The following PLCB4 variants were observed in gnomAD, a reference collection of about 807,000 sequenced individuals.
The protein encoded by PLCB4 is 1-phosphatidylinositol 4,5-bisphosphate phosphodiesterase beta-4.
In PLCB4, 77 loss-of-function variants were observed where a neutral mutation model predicts 178.8. The ratio of observed to expected loss-of-function variants is 0.43; its 90% CI spans 0.36 to 0.52. The LOEUF is 0.52. Among genes scored for constraint, PLCB4 ranks in the 20% least tolerant of loss-of-function variants. The pLI, the probability that PLCB4 is intolerant of heterozygous loss-of-function variation, is 0.00. For missense variants in PLCB4, 1,024 were observed against 1,453.4 expected, an observed-to-expected ratio of 0.70 and a Z score of 4.80; for synonymous variants, 496 against 490.8, an observed-to-expected ratio of 1.01 and a Z score of -0.14.
chr20:9,215,914 A>G (rs1436598403), intron 2 of PLCB4, among the ~76,000 whole-genome samples: 1 of 152,202 alleles, frequency 6.6e-6, no homozygotes, highest in East Asian at 1.9e-4. Flanking sequence ...GACTTTTTAA[A>G]TTAATAAAAT....
chr20:9,368,538 C>T (rs1013147130), intron 9 of PLCB4, among the ~76,000 whole-genome samples: 7 of 152,144 alleles, frequency 4.6e-5, no homozygotes, highest in Admixed American at 1.3e-4. Context: ...GGCTGAGAGC[C>T]GCAGGTGCCG....
intron 3 of PLCB4, among the ~76,000 whole-genome samples, chr20:9,239,307 A>G (rs1453788961): frequency 1.3e-5 from 2 of 152,070 alleles, no homozygotes; most frequent in Non-Finnish European, 2.9e-5. Flanking sequence ...ATTTTTTCAT[A>G]TCTTACATCA....
chr20:9,467,145 T>G (rs989210117), intron 35 of PLCB4, among the ~76,000 whole-genome samples: 1 of 152,200 alleles, frequency 6.6e-6, no homozygotes, highest in Non-Finnish European at 1.5e-5. Context: ...TGGATGAAGC[T>G]GGAAACCATC....
chr20:9,320,967 G>C (rs1006282443), intron 4 of PLCB4, among the ~76,000 whole-genome samples: 1 of 152,116 alleles, frequency 6.6e-6, no homozygotes, highest in East Asian at 1.9e-4. Context: ...CCTAGGGAAA[G>C]GTAAGGAATT....
intron 3 of PLCB4, among the ~76,000 whole-genome samples, chr20:9,278,027 C>T (rs749971558): frequency 1.3e-5 from 2 of 152,020 alleles, no homozygotes; most frequent in Non-Finnish European, 2.9e-5. Context: ...TCAATTAAAT[C>T]TCACAAGCCA....
chr20:9,088,412 T>C (rs559651794), intron 1 of PLCB4, among the ~76,000 whole-genome samples: 1 of 152,296 alleles, frequency 6.6e-6, no homozygotes, highest in Non-Finnish European at 1.5e-5. Flanking sequence ...CAATATTCCC[T>C]TTTCTCATCA....
At chr20:9,190,212 C>T (rs2093383641) in intron 2 of PLCB4, among the ~76,000 whole-genome samples, 1 of 152,136 alleles carries the variant, frequency 6.6e-6, no homozygotes, top group African/African-American at 2.4e-5. Flanking sequence ...CTGACTGGGG[C>T]TGGCTGGCGA....
chr20:9,153,446 G>T lies in PLCB4; in HGVS notation c.-79+57104G>T, dbSNP rs114536474. Among the ~76,000 whole-genome samples the T allele has an allele frequency of 3.4e-4, 52 of 152,094 alleles. 1 individual carries two copies. Among genetic ancestry groups the T allele is most frequent in the Admixed American group, 3.1e-3 (48 of 15,260 alleles). ...GTGAATACATCTTGAGATCTGATGG[G>T]TTTATCAGGGGTTCCCACTCTTGCT... is the stretch of plus-strand genomic sequence containing the variant. On this transcript the variant is annotated intron_variant, in intron 2 of 39. Transcript: ENST00000378473.
chr20:9,249,258 A>G (rs1026553943), intron 3 of PLCB4, among the ~76,000 whole-genome samples: 3 of 151,856 alleles, frequency 2.0e-5, no homozygotes, highest in Admixed American at 6.6e-5. Flanking sequence ...TTTAGGGTAC[A>G]TGTGCACAAC....
intron 3 of PLCB4, among the ~76,000 whole-genome samples, chr20:9,298,034 A>G (rs1331340246): frequency 2.0e-5 from 3 of 152,118 alleles, no homozygotes; most frequent in African/African-American, 7.2e-5. Flanking sequence ...ATTTTGAGAT[A>G]AAGGAAATTG....
chr20:9,107,596 A>G (rs2091413871), intron 2 of PLCB4, among the ~76,000 whole-genome samples: 1 of 152,112 alleles, frequency 6.6e-6, no homozygotes, highest in Admixed American at 6.5e-5. Context: ...TTTCTGAAGA[A>G]GAGCAAGGAA....
intron 25 of PLCB4, 65 bp downstream of exon 25, chr20:9,411,153 G>A: frequency 9.2e-7 from 1 of 1,088,588 alleles, no homozygotes; most frequent in South Asian, 1.3e-5. Flanking sequence ...CTCTAATGAA[G>A]CCATGTCATT....
intron 2 of PLCB4, among the ~76,000 whole-genome samples, chr20:9,203,777 GTTTTT>G (rs553691545): frequency 0.043 from 4,383 of 101,550 alleles, 159 homozygotes; most frequent in African/African-American, 0.069. Context: ...TGGGAATAGT[GTTTTT>G]TTTTTTTTTT....
chr20:9,288,126 G>A (rs956657815), intron 3 of PLCB4, among the ~76,000 whole-genome samples: 8 of 152,038 alleles, frequency 5.3e-5, no homozygotes, highest in African/African-American at 1.7e-4. Flanking sequence ...ATCTTTTATC[G>A]ACTGTTGCTT....
chr20:9,311,291 C>G (rs1022261818), intron 4 of PLCB4, among the ~76,000 whole-genome samples: 2 of 152,172 alleles, frequency 1.3e-5, no homozygotes, highest in Non-Finnish European at 2.9e-5. Context: ...GTTGACTACT[C>G]CAATTTGTTT....
chr20:9,163,108 G>C (rs1055661728), intron 2 of PLCB4, among the ~76,000 whole-genome samples: 3 of 152,178 alleles, frequency 2.0e-5, no homozygotes, highest in African/African-American at 7.2e-5. Context: ...CCAAGAGATT[G>C]GAAGGGGAGC....
rs556284995 is a variant in PLCB4 at position 9,390,514 on chromosome 20, C to A, written c.1239-17C>A. 12 of 1,361,162 alleles carry A rather than the reference C, an allele frequency of 8.8e-6. No homozygotes were observed. In the South Asian group the frequency reaches 1.4e-4, roughly 16 times the overall value. The allele number at this position is 1,361,162 out of a possible 1,614,324, so 84.3% of individuals were successfully genotyped here. On this transcript the variant is annotated splice_polypyrimidine_tract_variant and intron_variant, in intron 16 of 39. Transcript: ENST00000378473. ...AATGGGTGTTTGAATTTACAAATGC[C>A]ACTTTTTTCTCTCCAGCAAATATCA...
At chr20:9,270,605 A>G (rs1650990932) in intron 3 of PLCB4, among the ~76,000 whole-genome samples, 2 of 152,110 alleles carry the variant, frequency 1.3e-5, no homozygotes, top group Non-Finnish European at 2.9e-5. Flanking sequence ...AACTCTCCAT[A>G]TATTTTTAAA....
chr20:9,478,936 C>T lies in PLCB4; in HGVS notation c.3548C>T (p.Ala1183Val), dbSNP rs201816701. ...GATGTTATAGGCGAAGGAGATGCAGCAGATGGTGAAATTGGAAGCCGAGAT... is the reference window on the plus strand; with the variant it reads ...GATGTTATAGGCGAAGGAGATGCAGTAGATGGTGAAATTGGAAGCCGAGAT... ...VSQTQGEGDAADGEIGSRDGP... is the reference protein window; with the variant it reads ...VSQTQGEGDAVDGEIGSRDGP... The change falls in exon 40 of 40, where the codon GCA becomes GTA. Residue 1183 changes from alanine to valine, a missense_variant. By Grantham distance (64) the Ala-to-Val change is moderately conservative. Around this residue, in one of 7 missense-constraint regions of PLCB4, gnomAD observed 264 missense variants for 283.2 expected, o/e 0.93. Transcript: ENST00000378473. 4.3e-6 allele frequency: 7 copies of T among 1,613,280 alleles called. No homozygotes were observed. The East Asian group carries it at 1.3e-4, about 31-fold the overall frequency.
Sources: gnomAD v4.1 joint callset for allele counts (sites outside exome capture counted in the v4.1 genomes callset) on GRCh38, gnomAD v4.1.1 for gene constraint, gnomAD v4.1.1 regional missense constraint, MANE v1.5 for transcripts, NCBI Gene and HGNC (gene_info 2026-07-23, HGNC 2026-07-21) for gene names.